B3GALT1: variants seen among roughly 807,000 people sequenced by gnomAD.
The protein encoded by B3GALT1 is UDP-Gal:betaGlcNAc beta 1,3-galactosyltransferase, polypeptide 1.
In B3GALT1, 10 loss-of-function variants were observed where a neutral mutation model predicts 23.2. The ratio of observed to expected loss-of-function variants is 0.43; its 90% CI spans 0.27 to 0.73. The LOEUF (loss-of-function observed/expected upper bound fraction) is 0.73. Ranked by LOEUF, B3GALT1 falls within the 30% of genes least tolerant of loss-of-function variation. The pLI is 0.21. For synonymous variants in B3GALT1, 156 were observed against 141.5 expected, an observed-to-expected ratio of 1.10 and a Z score of -0.73; for missense variants, 299 against 405.4, an observed-to-expected ratio of 0.74 and a Z score of 2.25.
chr2:167,529,699 T>C (rs917787400), intron 2 of B3GALT1, among the ~76,000 whole-genome samples: 1 of 151,774 alleles, frequency 6.6e-6, no homozygotes, highest in African/African-American at 2.4e-5. Context: ...TCTCTTTTTC[T>C]TGTAGCTCAC....
chr2:167,611,127 C>A (rs1199046043), intron 2 of B3GALT1, among the ~76,000 whole-genome samples: 11 of 151,626 alleles, frequency 7.3e-5, no homozygotes, highest in Non-Finnish European at 1.5e-5. Context: ...TGCACCTGTA[C>A]CCCTGAACCT....
At chr2:167,415,807 C>T (rs1698460379) in intron 1 of B3GALT1, among the ~76,000 whole-genome samples, 1 of 152,164 alleles carries the variant, frequency 6.6e-6, no homozygotes, top group Admixed American at 6.5e-5. Context: ...AAGAACTTGG[C>T]TGCATTGTGT....
intron 1 of B3GALT1, among the ~76,000 whole-genome samples, chr2:167,336,023 A>G (rs1447111020): frequency 6.6e-6 from 1 of 151,906 alleles, no homozygotes; most frequent in Non-Finnish European, 1.5e-5. Flanking sequence ...AAAAAAAACG[A>G]TATTTTGCAT....
At chr2:167,620,122 A>T (rs1558926814) in intron 2 of B3GALT1, among the ~76,000 whole-genome samples, 1 of 151,932 alleles carries the variant, frequency 6.6e-6, no homozygotes, top group African/African-American at 2.4e-5. Context: ...CGGTGTGAGG[A>T]GTGTGTGTGC....
chr2:167,416,589 T>G (rs552723006), intron 1 of B3GALT1, among the ~76,000 whole-genome samples: 92 of 152,102 alleles, frequency 6.0e-4, no homozygotes, highest in Non-Finnish European at 1.1e-3. Flanking sequence ...ACTAGGGCAA[T>G]GCTGAGTGGA....
intron 1 of B3GALT1, among the ~76,000 whole-genome samples, chr2:167,301,260 A>C (rs1005234025): frequency 6.6e-6 from 1 of 152,206 alleles, no homozygotes; most frequent in African/African-American, 2.4e-5. Flanking sequence ...TAAGATCCAC[A>C]ACAAAGGAAG....
In B3GALT1 at chr2:167,324,406, AATAG is replaced by A. The variant is rs568641652; in HGVS notation, c.-511+31075_-511+31078del. Among the ~76,000 whole-genome samples the A allele has an allele frequency of 1.9e-3, 293 of 152,168 alleles. 9 individuals are homozygous for A. Among genetic ancestry groups the A allele is most frequent in the Non-Finnish European group, 1.5e-4 (10 of 67,976 alleles). ...CATAGTGCAAGGCACATTACTTTAT[AATAG>A]ATGGTAGAGTGTCAGGCTGATAATC... is the stretch of plus-strand genomic sequence containing the variant. On this transcript the variant is annotated intron_variant, in intron 1 of 4. Transcript: ENST00000392690.
chr2:167,435,757 A>G (rs1350207493), intron 1 of B3GALT1, among the ~76,000 whole-genome samples: 3 of 152,162 alleles, frequency 2.0e-5, no homozygotes, highest in East Asian at 3.9e-4. Context: ...CATTGTGATT[A>G]AGGAATGTTG....
chr2:167,745,122 T>A (rs1687633290), intron 3 of B3GALT1, among the ~76,000 whole-genome samples: 1 of 152,190 alleles, frequency 6.6e-6, no homozygotes, highest in Admixed American at 6.5e-5. Flanking sequence ...CATTGTTTTC[T>A]ATCAACTGGT....
intron 3 of B3GALT1, among the ~76,000 whole-genome samples, chr2:167,686,166 C>G (rs1213744790): frequency 1.3e-5 from 2 of 152,160 alleles, no homozygotes; most frequent in South Asian, 4.1e-4. Context: ...GATTTATAAA[C>G]AGCTGATTTT....
At chr2:167,759,409 A>C (rs1034082754) in intron 3 of B3GALT1, among the ~76,000 whole-genome samples, 1 of 152,230 alleles carries the variant, frequency 6.6e-6, no homozygotes, top group Non-Finnish European at 1.5e-5. Flanking sequence ...GGAGAACTAG[A>C]CTAGGGGGGC....
chr2:167,415,825 T>TTATGGATTTTATGGATTTA (rs1276780218), intron 1 of B3GALT1, among the ~76,000 whole-genome samples: 1 of 152,156 alleles, frequency 6.6e-6, no homozygotes, highest in Non-Finnish European at 1.5e-5. Context: ...TGTCTGTGCC[T>TTATGGATTTTATGGATTTA]TAGTTAGGGC....
At chr2:167,841,650 T>C (rs1445969029) in intron 4 of B3GALT1, among the ~76,000 whole-genome samples, 6 of 152,176 alleles carry the variant, frequency 3.9e-5, no homozygotes, top group Non-Finnish European at 5.9e-5. Flanking sequence ...CCCCTTCTCC[T>C]AAGAGAGTAA....
At chr2:167,862,327 C>T (rs1251552771) in intron 4 of B3GALT1, among the ~76,000 whole-genome samples, 1 of 152,100 alleles carries the variant, frequency 6.6e-6, no homozygotes, top group East Asian at 1.9e-4. Flanking sequence ...CAGTCTGAGC[C>T]CAAAGGCTCG....
At chr2:167,608,951 T>G (rs1042573453) in intron 2 of B3GALT1, among the ~76,000 whole-genome samples, 1 of 152,088 alleles carries the variant, frequency 6.6e-6, no homozygotes, top group Non-Finnish European at 1.5e-5. Context: ...TAAAAGTCTC[T>G]CATTGACTCA....
intron 2 of B3GALT1, among the ~76,000 whole-genome samples, chr2:167,510,975 A>T (rs1429110961): frequency 6.6e-6 from 1 of 152,200 alleles, no homozygotes; most frequent in South Asian, 2.1e-4. Context: ...AAATAGCAAT[A>T]TTAGAATCAA....
chr2:167,373,492 C>A (rs556911227), intron 1 of B3GALT1, among the ~76,000 whole-genome samples: 1 of 151,820 alleles, frequency 6.6e-6, no homozygotes, highest in East Asian at 1.9e-4. Context: ...ATCAAACAAA[C>A]GACTGGTATT....
At position 167,866,989 on chromosome 2, in the gene B3GALT1, C is replaced by G. The variant is rs1224885157; in HGVS notation, c.-229-1822C>G. 4.6e-5 allele frequency among the ~76,000 whole-genome samples: 7 copies of G among 151,918 alleles called. No individual in the cohort carries two copies. In the East Asian group the frequency reaches 5.8e-4, roughly 13 times the overall value. Reference sequence around the variant, plus strand: ...TCGCCCAGGCTGGAGTGCAGTGGCGCAATCTCAGCTCACTGCAAGCTCCAC... The same window carrying G: ...TCGCCCAGGCTGGAGTGCAGTGGCGGAATCTCAGCTCACTGCAAGCTCCAC... On this transcript the variant is annotated intron_variant, in intron 4 of 4. Transcript: ENST00000392690.
chr2:167,524,297 T>G (rs1238637227), intron 2 of B3GALT1, among the ~76,000 whole-genome samples: 4 of 152,198 alleles, frequency 2.6e-5, no homozygotes, highest in Non-Finnish European at 4.4e-5. Flanking sequence ...AAAAATATTC[T>G]GTGACCATTA....
Sources: allele counts gnomAD v4.1 joint callset (sites outside exome capture counted in the v4.1 genomes callset), GRCh38; gene constraint gnomAD v4.1.1; transcripts MANE v1.5; gene names NCBI Gene and HGNC (gene_info 2026-07-23, HGNC 2026-07-21).